Variants in BRI3 observed in about 807,000 individuals in gnomAD.
The protein encoded by BRI3 is membrane protein BRI3.
BRI3 carries 6 observed loss-of-function variants against 12.8 expected under a neutral mutation model. The observed-to-expected ratio is 0.47, with a 90% CI of 0.26 to 0.93. BRI3 has a LOEUF of 0.93. Among genes scored for constraint, BRI3 ranks in the 40% least tolerant of loss-of-function variants. BRI3 has a pLI of 0.15. For missense variants in BRI3, 134 were observed against 171.1 expected, an observed-to-expected ratio of 0.78 and a Z score of 1.21; for synonymous variants, 91 against 76.1, an observed-to-expected ratio of 1.20 and a Z score of -1.02.
At chr7:98,315,815 G>C in the BRI3 span, among the ~76,000 whole-genome samples, 6 of 152,132 alleles carry the variant, frequency 3.9e-5, no homozygotes, top group Non-Finnish European at 5.9e-5. Context: ...CGTGTGCAGA[G>C]AGAAGTTGCC....
At chr7:98,312,309 G>A, downstream of BRI3, 1 of 1,544,020 alleles carries the variant, frequency 6.5e-7, no homozygotes, top group Non-Finnish European at 8.7e-7. Flanking sequence ...AAGATTGTCT[G>A]AAGAGCTGAG....
the BRI3 span, among the ~76,000 whole-genome samples, chr7:98,318,950 A>G: frequency 6.6e-6 from 1 of 151,714 alleles, no homozygotes; most frequent in South Asian, 2.1e-4. Context: ...CATCTCAAAA[A>G]AAAAAAAAAA....
chr7:98,292,931 G>A, downstream of BRI3: 2 of 1,352,378 alleles, frequency 1.5e-6, no homozygotes, highest in Non-Finnish European at 1.9e-6. Context: ...AAGCGTCTTA[G>A]CACTCTACAG....
At position 98,290,181 on chromosome 7, in the gene BRI3, GTTTTTTTTTTTTTT is replaced by G. The variant is rs1180326213; in HGVS notation, c.246-918_246-905del. On this transcript the variant is annotated intron_variant, in intron 2 of 2. Coordinates refer to ENST00000297290, the MANE Select transcript of BRI3 (RefSeq NM_015379.5). ...CAAAATGATCATGCCTCTCAAGGTT[GTTTTTTTTTTTTTT>G]TTTTTTTTTTTGAGACGGAGTCTCG... Among the ~76,000 whole-genome samples, 245 of 102,556 alleles carry G rather than the reference GTTTTTTTTTTTTTT, an allele frequency of 2.4e-3. 1 individual carries two copies. Among genetic ancestry groups the G allele is most frequent in the Middle Eastern group, 0.011 (2 of 184 alleles). 67.3% of individuals were successfully genotyped at this position (102,556 alleles called of 152,430 possible).
downstream of BRI3, among the ~76,000 whole-genome samples, chr7:98,313,115 C>T (rs530181604): frequency 2.7e-5 from 4 of 149,530 alleles, no homozygotes; most frequent in South Asian, 8.6e-4. Flanking sequence ...CCACCCCTGT[C>T]CCCAAATGCC....
At chr7:98,302,757 T>A (rs188702153), upstream of BRI3, among the ~76,000 whole-genome samples, 12 of 152,282 alleles carry the variant, frequency 7.9e-5, no homozygotes, top group East Asian at 1.9e-3. Context: ...TGGAGCTGAT[T>A]TGGATCCAGA....
At chr7:98,286,433 CCT>C (rs1799712843) in intron 2 of BRI3, among the ~76,000 whole-genome samples, 1 of 152,206 alleles carries the variant, frequency 6.6e-6, no homozygotes, top group Admixed American at 6.5e-5. Context: ...GGCCATGGTC[CCT>C]CCCTGGCCGC....
At chr7:98,322,373 C>T in the BRI3 span, among the ~76,000 whole-genome samples, 2 of 152,194 alleles carry the variant, frequency 1.3e-5, no homozygotes. Flanking sequence ...CACACCTCAT[C>T]CTCGACATGT....
At chr7:98,282,797 C>T (rs1325007472) in intron 2 of BRI3, 1 of 250,028 alleles carries the variant, frequency 4.0e-6, no homozygotes, top group African/African-American at 2.2e-5. Context: ...CAGGTGTCTG[C>T]TTTTTCCTTC....
downstream of BRI3, chr7:98,312,402 A>T (rs1800906761): frequency 2.3e-6 from 2 of 853,192 alleles, no homozygotes; most frequent in African/African-American, 3.4e-5. Flanking sequence ...AAACTCGGTG[A>T]GCACTTTAAG....
At chr7:98,304,214 C>G, upstream of BRI3, 1 of 1,605,666 alleles carries the variant, frequency 6.2e-7, no homozygotes, top group Non-Finnish European at 8.5e-7. Context: ...CGGTCTCGGG[C>G]TTGGACGCTG....
chr7:98,295,440 G>A (rs957056253), downstream of BRI3, among the ~76,000 whole-genome samples: 13 of 152,210 alleles, frequency 8.5e-5, no homozygotes, highest in African/African-American at 2.4e-4. Context: ...GGCACTCAAC[G>A]CTTCCCTAGC....
At chr7:98,294,725 C>T (rs546928037), downstream of BRI3, among the ~76,000 whole-genome samples, 14 of 152,234 alleles carry the variant, frequency 9.2e-5, no homozygotes, top group African/African-American at 3.1e-4. Context: ...TGAAGCATGA[C>T]AAAGAAACAG....
At chr7:98,312,876 C>T (rs1800923252), downstream of BRI3, among the ~76,000 whole-genome samples, 1 of 152,144 alleles carries the variant, frequency 6.6e-6, no homozygotes, top group Admixed American at 6.5e-5. Flanking sequence ...AGTGCCCCTC[C>T]AGCACCCACA....
chr7:98,298,942 A>G (rs1254825178), intron 1 of BRI3, among the ~76,000 whole-genome samples: 1 of 152,062 alleles, frequency 6.6e-6, no homozygotes, highest in African/African-American at 2.4e-5. Context: ...CCTGGGCTCA[A>G]TCGATCCTCT....
At chr7:98,290,640 A>C (rs1799898857) in intron 2 of BRI3, among the ~76,000 whole-genome samples, 1 of 152,184 alleles carries the variant, frequency 6.6e-6, no homozygotes, top group Non-Finnish European at 1.5e-5. Flanking sequence ...CCGGGACTAC[A>C]GGCATGTGCC....
upstream of BRI3, among the ~76,000 whole-genome samples, chr7:98,304,545 CTG>C (rs539422666): frequency 1.5e-4 from 23 of 152,148 alleles, no homozygotes; most frequent in South Asian, 3.9e-3. Context: ...ATACAAAACA[CTG>C]TATTTTTTAA....
At chr7:98,310,974 CCAT>C (rs1800848476), downstream of BRI3, among the ~76,000 whole-genome samples, 1 of 152,110 alleles carries the variant, frequency 6.6e-6, no homozygotes, top group African/African-American at 2.4e-5. Context: ...GTGTGAGCCA[CCAT>C]GACTGGCCAC....
chr7:98,291,173 C>T lies in BRI3; in HGVS notation c.308C>T (p.Pro103Leu), dbSNP rs1562959471. Residue 103 changes from proline to leucine, a missense_variant, in exon 3 of 3, where the codon CCC becomes CTC. Physicochemically the swap from Pro to Leu is moderately conservative, Grantham distance 98 (BLOSUM62 -3). Transcript: ENST00000297290. ...LGIFLAIILFPFGFICCFALR... is the reference protein window; with the variant it reads ...LGIFLAIILFLFGFICCFALR... ...ATCTTCCTGGCCATCATCCTCTTCC[C>T]CTTTGGGTTCATTTGCTGTTTTGCC... 1.2e-6 allele frequency: 2 copies of T among 1,614,144 alleles called. No individual in the cohort carries two copies. The highest frequency in any genetic ancestry group is 8.5e-7 in the Non-Finnish European group (1 of 1,179,994).
Sources: allele counts gnomAD v4.1 joint callset (sites outside exome capture counted in the v4.1 genomes callset), GRCh38; gene constraint gnomAD v4.1.1; transcripts MANE v1.5; gene names NCBI Gene and HGNC (gene_info 2026-07-23, HGNC 2026-07-21).